PLA2G6: variants seen among roughly 807,000 people sequenced by gnomAD.
PLA2G6 encodes 85/88 kDa calcium-independent phospholipase A2.
In PLA2G6, 62 loss-of-function variants were observed where a neutral mutation model predicts 83.8. The ratio of observed to expected loss-of-function variants is 0.74; its 90% CI spans 0.60 to 0.91. The LOEUF is 0.91. PLA2G6 is among the 40% of genes least tolerant of loss of function. The pLI, the probability that PLA2G6 is intolerant of heterozygous loss-of-function variation, is 0.00. For synonymous variants in PLA2G6, 417 were observed against 449.8 expected (o/e 0.93, Z 0.92); for missense variants, 944 against 1,102.0 (o/e 0.86, Z 2.03).
chr22:38,165,211 A>T (rs1259382777), intron 2 of PLA2G6, among the ~76,000 whole-genome samples: 2 of 152,140 alleles, frequency 1.3e-5, no homozygotes, highest in Non-Finnish European at 2.9e-5. Context: ...TCTAAAGCTA[A>T]ATTAATATAT....
intron 2 of PLA2G6, among the ~76,000 whole-genome samples, chr22:38,156,238 A>G (rs1216448590): frequency 6.6e-6 from 1 of 152,196 alleles, no homozygotes; most frequent in Non-Finnish European, 1.5e-5. Context: ...GGAGACTTCA[A>G]TACTCCACTT....
chr22:38,162,332 A>G (rs992571148), intron 2 of PLA2G6, among the ~76,000 whole-genome samples: 1 of 151,976 alleles, frequency 6.6e-6, no homozygotes, highest in African/African-American at 2.4e-5. Context: ...CAGGATGACG[A>G]AGAGAGAGAG....
intron 2 of PLA2G6, among the ~76,000 whole-genome samples, chr22:38,152,098 G>C (rs530291297): frequency 6.6e-6 from 1 of 152,264 alleles, no homozygotes; most frequent in South Asian, 2.1e-4. Context: ...GGGGCTAATG[G>C]GAGGTGTTTG....
rs995818526 is a variant in PLA2G6, at chr22:38,148,338, C to G, written c.210-2685G>C. 3 of 587,620 alleles carry G rather than the reference C, an allele frequency of 5.1e-6. No individual in the cohort carries two copies. The African/African-American group carries it at 5.7e-5, about 11-fold the overall frequency. 36.4% of individuals were successfully genotyped at this position (587,620 alleles called of 1,614,324 possible). ...TCAGGCATTTGAATGCTGACGGGAA[C>G]GATGATTCTCTCTCAGAACTTCCAC... On this transcript the variant is annotated intron_variant, in intron 2 of 16. Coordinates refer to ENST00000332509, the MANE Select transcript of PLA2G6 (RefSeq NM_003560.4).
chr22:38,126,658 G>A (rs2087879327), intron 9 of PLA2G6: 1 of 588,096 alleles, frequency 1.7e-6, no homozygotes, highest in Non-Finnish European at 3.1e-6. Context: ...ATGGGCTGGA[G>A]TGGAAAGGGG....
intron 3 of PLA2G6, chr22:38,144,869 A>T (rs1457880219): frequency 4.5e-6 from 1 of 223,548 alleles, no homozygotes; most frequent in Non-Finnish European, 9.0e-6. Flanking sequence ...AAATAAAATA[A>T]AATAAAGTAA....
intron 3 of PLA2G6, 121 bp from the exon 4 acceptor site, chr22:38,143,409 C>T (rs1025199151): frequency 2.3e-6 from 2 of 855,470 alleles, no homozygotes; most frequent in East Asian, 5.3e-5. Context: ...TATTTGAGCT[C>T]AAGAGCATTC....
intron 15 of PLA2G6, chr22:38,112,950 A>G: frequency 2.5e-6 from 1 of 395,284 alleles, no homozygotes; most frequent in Non-Finnish European, 4.8e-6. Flanking sequence ...TCTGTTGCTC[A>G]GGCTGGAGTG....
At position 38,143,294 on chromosome 22, in the gene PLA2G6, G is replaced by A. The variant is rs1383658956; in HGVS notation, c.426-6C>T. The A allele has an allele frequency of 1.2e-5, 19 of 1,610,042 alleles. No homozygotes were observed. The highest frequency in any genetic ancestry group is 1.4e-5 in the Non-Finnish European group (17 of 1,179,990). ...TCTCCGCGCAATTGGCACAGCTGCA[G>A]GAGAGGGCCAGGGTGAGCAGAGGTG... On this transcript the variant is annotated splice_polypyrimidine_tract_variant and splice_region_variant and intron_variant, in intron 3 of 16. Coordinates refer to ENST00000332509, the MANE Select transcript of PLA2G6 (RefSeq NM_003560.4).
At chr22:38,152,279 C>T (rs984320995) in intron 2 of PLA2G6, among the ~76,000 whole-genome samples, 11 of 151,962 alleles carry the variant, frequency 7.2e-5, no homozygotes, top group African/African-American at 1.7e-4. Flanking sequence ...TGGCTCACTG[C>T]AACCTCCACC....
intron 4 of PLA2G6, chr22:38,141,352 T>C (rs2088892546): frequency 2.0e-5 from 3 of 152,324 alleles, no homozygotes; most frequent in Non-Finnish European, 4.4e-5. Context: ...CTAGATGCTG[T>C]CTCAAAAAAA....
In PLA2G6 at chr22:38,143,077, C is replaced by A. The variant is rs11570647; in HGVS notation, c.609+28G>T. On this transcript the variant is annotated intron_variant, in intron 4 of 16. Transcript: ENST00000332509. ...CGTGGACACCGGGAGGTATCAGTAC[C>A]AGTCACCCTGCCCCTCCCCCTGCTC... 17,451 of 1,606,866 alleles carry A rather than the reference C, an allele frequency of 0.011. 1,441 individuals are homozygous for A. The African/African-American group carries it at 0.19, about 17-fold the overall frequency.
chr22:38,162,607 G>A (rs1042251757), intron 2 of PLA2G6, among the ~76,000 whole-genome samples: 16 of 152,176 alleles, frequency 1.1e-4, no homozygotes, highest in Non-Finnish European at 2.2e-4. Context: ...AGGCCAGCGC[G>A]TGGTCATGTG....
intron 3 of PLA2G6, chr22:38,144,932 T>C (rs1301238980): frequency 3.0e-6 from 1 of 335,182 alleles, no homozygotes; most frequent in Admixed American, 3.3e-5. Flanking sequence ...TCATGGTGGG[T>C]AGAAATCAGC....
At chr22:38,115,476 G>A (rs1428945565) in intron 14 of PLA2G6, 51 bp downstream of exon 14, 1 of 1,560,168 alleles carries the variant, frequency 6.4e-7, no homozygotes, top group African/African-American at 1.3e-5. Context: ...GCTGACACAG[G>A]ATTGGCTCCA....
chr22:38,171,187 A>AG (rs2090426714), intron 1 of PLA2G6, among the ~76,000 whole-genome samples: 1 of 151,798 alleles, frequency 6.6e-6, no homozygotes, highest in Non-Finnish European at 1.5e-5. Flanking sequence ...AAAAAAAAAA[A>AG]AAGATCATAA....
At chr22:38,151,432 G>T (rs532691954) in intron 2 of PLA2G6, among the ~76,000 whole-genome samples, 118 of 152,148 alleles carry the variant, frequency 7.8e-4, no homozygotes, top group Admixed American at 1.8e-3. Flanking sequence ...GTAGAGACAG[G>T]GTTTTGCCAC....
intron 1 of PLA2G6, among the ~76,000 whole-genome samples, chr22:38,179,048 G>A (rs946061101): frequency 1.3e-5 from 2 of 152,232 alleles, no homozygotes; most frequent in African/African-American, 4.8e-5. Flanking sequence ...GTGCTGAGGT[G>A]GAGAGTGAAA....
intron 2 of PLA2G6, among the ~76,000 whole-genome samples, chr22:38,161,103 G>A (rs1459897506): frequency 6.6e-6 from 1 of 151,954 alleles, no homozygotes; most frequent in African/African-American, 2.4e-5. Flanking sequence ...GTCTCTGGAG[G>A]AAAAAGTAGA....
Sources: allele counts gnomAD v4.1 joint callset (sites outside exome capture counted in the v4.1 genomes callset), GRCh38; gene constraint gnomAD v4.1.1; transcripts MANE v1.5; gene names NCBI Gene and HGNC (gene_info 2026-07-23, HGNC 2026-07-21).